The following AHI1 variants were observed in gnomAD, a reference collection of about 807,000 sequenced individuals.
AHI1 encodes jouberin.
Under a neutral mutation model 149.3 loss-of-function variants are expected in AHI1, and 123 were observed. The observed-to-expected ratio is 0.82, with a 90% CI of 0.71 to 0.96. AHI1 has a LOEUF of 0.96. Among genes scored for constraint, AHI1 ranks in the 40% least tolerant of loss-of-function variants. The pLI is 0.00. For missense variants in AHI1, 1,439 were observed against 1,422.7 expected (o/e 1.01, Z -0.18); for synonymous variants, 475 against 459.8 (o/e 1.03, Z -0.42).
intron 24 of AHI1, among the ~76,000 whole-genome samples, chr6:135,348,969 T>C (rs1449016897): frequency 6.6e-6 from 1 of 152,136 alleles, no homozygotes; most frequent in Non-Finnish European, 1.5e-5. Flanking sequence ...ATATAAATAA[T>C]GAGAAGACTT....
At chr6:135,288,498 A>C (rs62429854) in intron 28 of AHI1, among the ~76,000 whole-genome samples, 4,904 of 152,142 alleles carry the variant, frequency 0.032, 121 homozygotes, top group Middle Eastern at 0.088. Flanking sequence ...GAAAATGCAC[A>C]AAGTTAAAAT....
chr6:135,321,477 A>G (rs1017382400), intron 25 of AHI1, among the ~76,000 whole-genome samples: 5 of 152,006 alleles, frequency 3.3e-5, no homozygotes, highest in African/African-American at 4.8e-5. Context: ...CACTTGAGAG[A>G]CTGGGGAGGG....
At chr6:135,394,135 C>A (rs1054530185) in intron 23 of AHI1, among the ~76,000 whole-genome samples, 1 of 151,874 alleles carries the variant, frequency 6.6e-6, no homozygotes, top group African/African-American at 2.4e-5. Flanking sequence ...TAAAAGAATT[C>A]AGTAATAGAA....
chr6:135,286,415 C>A (rs1781692361), intron 28 of AHI1: 1 of 152,184 alleles, frequency 6.6e-6, no homozygotes, highest in Non-Finnish European at 1.5e-5. Context: ...AGGTTACTGT[C>A]CTTCTTCTAA....
At chr6:135,290,854 A>G (rs1043040619) in intron 27 of AHI1, among the ~76,000 whole-genome samples, 28 of 152,066 alleles carry the variant, frequency 1.8e-4, no homozygotes, top group Non-Finnish European at 2.9e-5. Context: ...GTCTCAGAAA[A>G]ATATTAGATG....
At chr6:135,337,352 T>C (rs1160166912) in intron 24 of AHI1, among the ~76,000 whole-genome samples, 3 of 152,186 alleles carry the variant, frequency 2.0e-5, no homozygotes, top group Non-Finnish European at 4.4e-5. Context: ...CATATATGTA[T>C]ATATTAACAT....
At position 135,431,299 on chromosome 6, in the gene AHI1, G is replaced by A. The variant is rs794727174; in HGVS notation, c.2282C>T (p.Ser761Leu). The A allele has an allele frequency of 2.5e-6, 4 of 1,595,962 alleles. No individual in the cohort carries two copies. Among genetic ancestry groups the A allele is most frequent in the East Asian group, 2.2e-5 (1 of 44,482 alleles). The change falls in exon 17 of 29, where the codon TCA (serine) becomes TTA (leucine). Residue 761 changes from serine to leucine, a missense_variant. Coordinates refer to ENST00000265602, the MANE Select transcript of AHI1 (RefSeq NM_001134831.2). ...CFDTEGHHMY[S>L]GDCTGVIVVW... ...AACAATCACCCCTGTACAATCTCCTGAATACATATGATGACCTATTTAAAA... is the reference window on the plus strand; with the variant it reads ...AACAATCACCCCTGTACAATCTCCTAAATACATATGATGACCTATTTAAAA...
chr6:135,339,680 G>GAA (rs1399884447), intron 24 of AHI1, among the ~76,000 whole-genome samples: 1 of 152,172 alleles, frequency 6.6e-6, no homozygotes, highest in Non-Finnish European at 1.5e-5. Flanking sequence ...GAGCCTCAGA[G>GAA]AATTATAGGA....
At chr6:135,304,254 T>C (rs1436401313) in intron 26 of AHI1, among the ~76,000 whole-genome samples, 2 of 152,078 alleles carry the variant, frequency 1.3e-5, no homozygotes, top group African/African-American at 2.4e-5. Flanking sequence ...GGTTTCACTA[T>C]ATTGTCCAGG....
At chr6:135,431,042 G>T (rs1784580040) in intron 17 of AHI1, among the ~76,000 whole-genome samples, 166 bp downstream of exon 17, 1 of 151,996 alleles carries the variant, frequency 6.6e-6, no homozygotes, top group South Asian at 2.1e-4. Context: ...TATATCATCA[G>T]TCAGCCATCA....
chr6:135,456,529 A>G (rs958047813), intron 9 of AHI1, among the ~76,000 whole-genome samples: 11 of 150,434 alleles, frequency 7.3e-5, no homozygotes, highest in Non-Finnish European at 1.5e-4. Context: ...AGTGAGACGC[A>G]GTGAGATATT....
At chr6:135,290,396 G>T in intron 28 of AHI1, 27 bp downstream of exon 28, 4 of 1,312,828 alleles carry the variant, frequency 3.0e-6, no homozygotes, top group Non-Finnish European at 4.4e-6. Flanking sequence ...ACAACATAGC[G>T]CAACTTTCTA....
intron 27 of AHI1, among the ~76,000 whole-genome samples, chr6:135,298,291 G>A (rs79816881): frequency 0.043 from 6,443 of 148,398 alleles, 441 homozygotes; most frequent in African/African-American, 0.14. Flanking sequence ...ACTAAAATGT[G>A]TATAAATTGC....
chr6:135,297,541 G>C, intron 27 of AHI1: 1 of 455,866 alleles, frequency 2.2e-6, no homozygotes, highest in South Asian at 1.6e-5. Context: ...TTATATAATT[G>C]GTTGCCTTCT....
At chr6:135,437,503 TA>T (rs1239808119) in intron 15 of AHI1, among the ~76,000 whole-genome samples, 1 of 152,204 alleles carries the variant, frequency 6.6e-6, no homozygotes, top group Non-Finnish European at 1.5e-5. Context: ...TTCATTTAAA[TA>T]AAAACTAACC....
intron 20 of AHI1, among the ~76,000 whole-genome samples, chr6:135,413,186 G>A (rs183807414): frequency 9.9e-5 from 15 of 151,900 alleles, no homozygotes; most frequent in Admixed American, 3.9e-4. Flanking sequence ...AAAATTAACC[G>A]GGCAGGGTAC....
At chr6:135,375,011 T>C (rs1775690884) in intron 23 of AHI1, among the ~76,000 whole-genome samples, 1 of 152,214 alleles carries the variant, frequency 6.6e-6, no homozygotes, top group Non-Finnish European at 1.5e-5. Context: ...GTTCTGAGCA[T>C]GTTTAAGGCA....
intron 24 of AHI1, among the ~76,000 whole-genome samples, chr6:135,344,199 G>A (rs1790808424): frequency 6.6e-6 from 1 of 151,312 alleles, no homozygotes; most frequent in Non-Finnish European, 1.5e-5. Flanking sequence ...TTTTCAAATT[G>A]TTATTTTTTT....
intron 20 of AHI1, among the ~76,000 whole-genome samples, chr6:135,412,896 T>C (rs1781811008): frequency 6.6e-6 from 1 of 152,194 alleles, no homozygotes; most frequent in Non-Finnish European, 1.5e-5. Context: ...TATATAAGCA[T>C]TTCTGGAAAG....
Sources: gnomAD v4.1 joint callset for allele counts (sites outside exome capture counted in the v4.1 genomes callset) on GRCh38, gnomAD v4.1.1 for gene constraint, MANE v1.5 for transcripts, NCBI Gene and HGNC (gene_info 2026-07-23, HGNC 2026-07-21) for gene names.